Variants in GPC5 observed in about 807,000 individuals in gnomAD.
GPC5 encodes the protein glypican 5, also known as glypican-5.
Under a neutral mutation model 53.9 loss-of-function variants are expected in GPC5, and 47 were observed. The observed-to-expected ratio is 0.87, with a 90% CI of 0.69 to 1.11. GPC5 has a LOEUF of 1.11. GPC5 is among the 50% of genes most tolerant of loss of function. The pLI is 0.00. For missense variants in GPC5, 748 were observed against 713.1 expected, an observed-to-expected ratio of 1.05 and a Z score of -0.56; for synonymous variants, 286 against 263.3, an observed-to-expected ratio of 1.09 and a Z score of -0.84.
chr13:91,794,921 T>A (rs2038023420), intron 5 of GPC5, among the ~76,000 whole-genome samples: 1 of 152,096 alleles, frequency 6.6e-6, no homozygotes, highest in Middle Eastern at 3.2e-3. Flanking sequence ...AGCTACTGAA[T>A]ACAGAGTAAA....
intron 7 of GPC5, among the ~76,000 whole-genome samples, chr13:92,660,836 C>CAT (rs1886317017): frequency 6.6e-6 from 1 of 152,070 alleles, no homozygotes; most frequent in African/African-American, 2.4e-5. Context: ...TAACCAGCCA[C>CAT]ATATAGCTAT....
intron 7 of GPC5, among the ~76,000 whole-genome samples, chr13:92,415,578 G>GTGAGCT (rs1876250085): frequency 6.6e-6 from 1 of 151,964 alleles, no homozygotes; most frequent in Non-Finnish European, 1.5e-5. Context: ...TCCTGCAATA[G>GTGAGCT]TGAGCTTGAA....
At chr13:91,540,445 AATAGG>A (rs2029876211) in intron 2 of GPC5, among the ~76,000 whole-genome samples, 1 of 152,204 alleles carries the variant, frequency 6.6e-6, no homozygotes, top group Non-Finnish European at 1.5e-5. Context: ...TTAATTTTTG[AATAGG>A]CCCAGTGGGG....
At chr13:92,451,206 T>A (rs918406172) in intron 7 of GPC5, among the ~76,000 whole-genome samples, 2 of 152,212 alleles carry the variant, frequency 1.3e-5, no homozygotes, top group Non-Finnish European at 2.9e-5. Flanking sequence ...TGTTCTTTAG[T>A]GGTAGGCAGG....
intron 5 of GPC5, among the ~76,000 whole-genome samples, chr13:91,786,606 C>A (rs1446253571): frequency 1.3e-5 from 2 of 151,916 alleles, no homozygotes; most frequent in African/African-American, 4.8e-5. Flanking sequence ...TTTTTCATAT[C>A]GTGATTTAAG....
At chr13:91,636,524 G>C (rs2034290191) in intron 2 of GPC5, among the ~76,000 whole-genome samples, 1 of 152,012 alleles carries the variant, frequency 6.6e-6, no homozygotes, top group African/African-American at 2.4e-5. Flanking sequence ...GATTACAGTA[G>C]ACTTATAGTG....
intron 6 of GPC5, among the ~76,000 whole-genome samples, chr13:92,086,237 A>AT (rs1392832272): frequency 1.3e-5 from 2 of 152,134 alleles, no homozygotes; most frequent in African/African-American, 2.4e-5. Context: ...AATTTCCTTC[A>AT]TTTTTTCAAA....
intron 2 of GPC5, among the ~76,000 whole-genome samples, chr13:91,531,393 A>G (rs559628615): frequency 6.6e-6 from 1 of 152,198 alleles, no homozygotes; most frequent in East Asian, 1.9e-4. Flanking sequence ...ATAAAAATTC[A>G]TGGCAAGCCT....
intron 7 of GPC5, among the ~76,000 whole-genome samples, chr13:92,756,036 G>A (rs375289743): frequency 6.6e-6 from 1 of 151,954 alleles, no homozygotes. Flanking sequence ...AAAAAAGAGA[G>A]TTTTAGACCA....
chr13:92,384,782 T>G (rs1176212587), intron 7 of GPC5, among the ~76,000 whole-genome samples: 1 of 152,176 alleles, frequency 6.6e-6, no homozygotes, highest in Non-Finnish European at 1.5e-5. Flanking sequence ...TGTTGTCTTC[T>G]TTCACCCGTG....
chr13:92,438,801 G>T (rs746787641), intron 7 of GPC5, among the ~76,000 whole-genome samples: 1 of 152,008 alleles, frequency 6.6e-6, no homozygotes, highest in African/African-American at 2.4e-5. Flanking sequence ...TGTGAAGGAG[G>T]AAAGGAGGTC....
At chr13:92,844,735 C>T (rs1878554066) in intron 7 of GPC5, among the ~76,000 whole-genome samples, 1 of 152,002 alleles carries the variant, frequency 6.6e-6, no homozygotes, top group Non-Finnish European at 1.5e-5. Context: ...ATCTATAAAA[C>T]ATATAAATAA....
intron 2 of GPC5, among the ~76,000 whole-genome samples, chr13:91,673,616 G>A (rs543690585): frequency 2.6e-5 from 4 of 152,040 alleles, no homozygotes; most frequent in South Asian, 2.1e-4. Flanking sequence ...CTGTGAAACC[G>A]GTGCAGGAAA....
At chr13:92,221,174 A>G (rs2042445683) in intron 7 of GPC5, among the ~76,000 whole-genome samples, 1 of 152,198 alleles carries the variant, frequency 6.6e-6, no homozygotes, top group Non-Finnish European at 1.5e-5. Flanking sequence ...CTATACTGCT[A>G]GGGTCAATTT....
intron 7 of GPC5, among the ~76,000 whole-genome samples, chr13:92,427,283 A>G (rs985002343): frequency 6.7e-5 from 10 of 149,834 alleles, no homozygotes; most frequent in Non-Finnish European, 1.5e-4. Context: ...TAACTCCTCT[A>G]CAAGTTTGGT....
intron 7 of GPC5, among the ~76,000 whole-genome samples, chr13:92,830,540 T>C (rs1024896252): frequency 6.6e-6 from 1 of 152,118 alleles, no homozygotes; most frequent in African/African-American, 2.4e-5. Flanking sequence ...ATTTCCAGAA[T>C]AATAATGAGA....
chr13:92,851,065 T>G lies in GPC5; in HGVS notation c.1562-15217T>G, dbSNP rs142620129. Among the ~76,000 whole-genome samples, 1,422 of 152,184 alleles carry G rather than the reference T, an allele frequency of 9.3e-3. 46 individuals carry two copies. The highest frequency in any genetic ancestry group is 0.06 in the Admixed American group (914 of 15,278). ...AGGCAAAAAGGAAGCAGGCATGTCT[T>G]GCATGTCTTACATTTCCAGAGCAGC... On this transcript the variant is annotated intron_variant, in intron 7 of 7. Coordinates refer to ENST00000377067, the MANE Select transcript of GPC5 (RefSeq NM_004466.6).
intron 7 of GPC5, among the ~76,000 whole-genome samples, chr13:92,413,993 ATAAC>A (rs1038727600): frequency 2.0e-5 from 3 of 152,134 alleles, no homozygotes; most frequent in East Asian, 1.9e-4. Flanking sequence ...ATTTCATTCT[ATAAC>A]TAGGAGTTAT....
In GPC5 at chr13:92,187,759, A is replaced by G. The variant is rs542542367; in HGVS notation, c.1561+42770A>G. On this transcript the variant is annotated intron_variant, in intron 7 of 7. Coordinates refer to ENST00000377067, the MANE Select transcript of GPC5 (RefSeq NM_004466.6). ...TGGGGAAAGATGTGCATACTAAGTA[A>G]AAATGAACAGCTGTTGAGAATAAAA... 1.4e-4 allele frequency among the ~76,000 whole-genome samples: 22 copies of G among 152,368 alleles called. No individual in the cohort carries two copies. In the South Asian group the frequency reaches 4.3e-3, roughly 30 times the overall value.
Sources: gnomAD v4.1 joint callset for allele counts (sites outside exome capture counted in the v4.1 genomes callset) on GRCh38, gnomAD v4.1.1 for gene constraint, MANE v1.5 for transcripts, NCBI Gene and HGNC (gene_info 2026-07-23, HGNC 2026-07-21) for gene names.